Variants in WSCD2 observed in about 807,000 individuals in gnomAD.
The protein encoded by WSCD2 is sialate:O-sulfotransferase 2.
A neutral mutation model predicts 55.7 loss-of-function variants in WSCD2; 28 were observed. That is an observed-to-expected ratio of 0.50 (90% CI 0.37 to 0.69). The LOEUF is 0.69. Ranked by LOEUF, WSCD2 falls within the 30% of genes least tolerant of loss-of-function variation. The pLI is 0.00. For missense variants in WSCD2, 616 were observed against 762.1 expected (o/e 0.81, Z 2.26); for synonymous variants, 301 against 301.9 (o/e 1.00, Z 0.03).
Position 108,233,098 on chromosome 12 carries a change from G to A in WSCD2, c.1144+203G>A, listed in dbSNP as rs117189074. 1,938 of 596,820 alleles carry A rather than the reference G, an allele frequency of 3.2e-3. 12 individuals are homozygous for A. Among genetic ancestry groups the A allele is most frequent in the Middle Eastern group, 7.9e-3 (17 of 2,144 alleles). The allele number at this position is 596,820 out of a possible 1,614,324, so 37.0% of individuals were successfully genotyped here. A position where few individuals can be genotyped will look rare whatever the true frequency, so the allele number is the denominator to read the frequency against. On this transcript the variant is annotated intron_variant, in intron 7 of 8. Transcript: ENST00000547525. The stretch of plus-strand genomic sequence containing the variant: ...CAAACATTTCTTAAGTCATGTCCTG[G>A]ATACTCCACTAGCATCCATTCAATA...
At position 108,139,874 on chromosome 12, in the gene WSCD2, C is replaced by G. The variant is rs1014573548; in HGVS notation, c.-552+9948C>G. 1.4e-4 allele frequency among the ~76,000 whole-genome samples: 21 copies of G among 152,286 alleles called. No homozygotes were observed. The East Asian group carries it at 3.9e-3, about 28-fold the overall frequency. ...AAGCCAGTGGCGAGTGAGCAGGAAC[C>G]TAGCTCAGCAGTGAAAAGCTGAGAA... On this transcript the variant is annotated intron_variant, in intron 1 of 8. Coordinates refer to ENST00000547525, the MANE Select transcript of WSCD2 (RefSeq NM_014653.4).
intron 1 of WSCD2, among the ~76,000 whole-genome samples, chr12:108,178,768 T>G (rs1721228124): frequency 6.6e-6 from 1 of 152,180 alleles, no homozygotes; most frequent in Non-Finnish European, 1.5e-5. Flanking sequence ...ATTACCCCTG[T>G]GAAGAGACTG....
intron 1 of WSCD2, among the ~76,000 whole-genome samples, chr12:108,159,647 C>T (rs909776456): frequency 6.6e-6 from 1 of 152,194 alleles, no homozygotes; most frequent in Non-Finnish European, 1.5e-5. Flanking sequence ...CTGAAATCCC[C>T]ACTCCAACTG....
At chr12:108,206,126 T>C (rs895611229) in intron 2 of WSCD2, among the ~76,000 whole-genome samples, 163 bp from the exon 3 acceptor site, 2 of 152,206 alleles carry the variant, frequency 1.3e-5, no homozygotes, top group African/African-American at 4.8e-5. Context: ...GACCAGGTTC[T>C]GCCAAGACAA....
intron 3 of WSCD2, 143 bp downstream of exon 3, chr12:108,206,546 T>G: frequency 1.3e-6 from 1 of 756,314 alleles, no homozygotes. Flanking sequence ...AGGGTGTGTG[T>G]GCATTGTGTG....
intron 7 of WSCD2, among the ~76,000 whole-genome samples, chr12:108,234,654 A>G (rs2137204160): frequency 6.6e-6 from 1 of 152,318 alleles, no homozygotes; most frequent in East Asian, 1.9e-4. Flanking sequence ...TGGGAAGAGC[A>G]TTGGGATATT....
At chr12:108,237,480 A>T (rs1193816807) in intron 7 of WSCD2, among the ~76,000 whole-genome samples, 1 of 152,176 alleles carries the variant, frequency 6.6e-6, no homozygotes, top group Admixed American at 6.5e-5. Context: ...GACAGTGGAG[A>T]GGGGGACACC....
intron 1 of WSCD2, among the ~76,000 whole-genome samples, chr12:108,175,023 T>C (rs367904338): frequency 6.6e-6 from 1 of 152,136 alleles, no homozygotes. Flanking sequence ...AGAGTGCTGA[T>C]GGTGGTCTTG....
intron 2 of WSCD2, among the ~76,000 whole-genome samples, chr12:108,199,382 A>G (rs1565957294): frequency 1.3e-5 from 2 of 152,048 alleles, no homozygotes; most frequent in Admixed American, 1.3e-4. Flanking sequence ...GCTGGGCAGG[A>G]GTCTGAGTTC....
chr12:108,146,603 C>T (rs1459953474), intron 1 of WSCD2, among the ~76,000 whole-genome samples: 1 of 152,346 alleles, frequency 6.6e-6, no homozygotes, highest in East Asian at 1.9e-4. Context: ...AGATGGAGCT[C>T]AGGTGACAGG....
At chr12:108,198,944 GGTCT>G (rs1486845628) in intron 2 of WSCD2, among the ~76,000 whole-genome samples, 1 of 152,184 alleles carries the variant, frequency 6.6e-6, no homozygotes, top group African/African-American at 2.4e-5. Context: ...TTTAACACAA[GGTCT>G]GTTTAATTCC....
At chr12:108,194,620 A>C (rs1474060584) in intron 1 of WSCD2, among the ~76,000 whole-genome samples, 1 of 152,204 alleles carries the variant, frequency 6.6e-6, no homozygotes, top group Admixed American at 6.5e-5. Context: ...AGCACATGGT[A>C]GACACTCAAT....
chr12:108,154,388 T>C (rs1247263351), intron 1 of WSCD2, among the ~76,000 whole-genome samples: 1 of 152,190 alleles, frequency 6.6e-6, no homozygotes, highest in Non-Finnish European at 1.5e-5. Flanking sequence ...CCAGCAATTG[T>C]ATGCCTCTGG....
intron 4 of WSCD2, among the ~76,000 whole-genome samples, chr12:108,214,861 G>A (rs532898247): frequency 1.3e-5 from 2 of 152,320 alleles, no homozygotes; most frequent in East Asian, 3.9e-4. Flanking sequence ...TTTTTACATG[G>A]TGGTTTTTGT....
At chr12:108,138,432 C>T (rs1184399027) in intron 1 of WSCD2, among the ~76,000 whole-genome samples, 1 of 152,182 alleles carries the variant, frequency 6.6e-6, no homozygotes, top group Non-Finnish European at 1.5e-5. Context: ...AGCTCGGTAG[C>T]TTATAGGCTG....
chr12:108,193,087 C>A (rs2137038406), intron 1 of WSCD2, among the ~76,000 whole-genome samples: 1 of 152,316 alleles, frequency 6.6e-6, no homozygotes, highest in South Asian at 2.1e-4. Context: ...TGACCCTGAA[C>A]AAGTTACCTA....
intron 8 of WSCD2, among the ~76,000 whole-genome samples, chr12:108,242,775 A>G (rs2137238610): frequency 6.6e-6 from 1 of 152,246 alleles, no homozygotes; most frequent in Middle Eastern, 3.4e-3. Flanking sequence ...CTCCCTCCCC[A>G]ACACCGACAG....
At chr12:108,181,933 C>T (rs185223604) in intron 1 of WSCD2, among the ~76,000 whole-genome samples, 1 of 152,186 alleles carries the variant, frequency 6.6e-6, no homozygotes, top group African/African-American at 2.4e-5. Context: ...CTTTGCATGC[C>T]ATATTCTCAT....
intron 1 of WSCD2, among the ~76,000 whole-genome samples, chr12:108,138,919 C>G (rs746368614): frequency 6.6e-6 from 1 of 152,198 alleles, no homozygotes; most frequent in Non-Finnish European, 1.5e-5. Flanking sequence ...GTAGCAATGC[C>G]CCCTGGGAGG....
Sources: gnomAD v4.1 joint callset for allele counts (sites outside exome capture counted in the v4.1 genomes callset) on GRCh38, gnomAD v4.1.1 for gene constraint, MANE v1.5 for transcripts, NCBI Gene and HGNC (gene_info 2026-07-23, HGNC 2026-07-21) for gene names.